The following STAB2 variants were observed in gnomAD, a reference collection of about 807,000 sequenced individuals.
STAB2 encodes stabilin-2.
Under a neutral mutation model 338.1 loss-of-function variants are expected in STAB2, and 288 were observed. The observed-to-expected ratio is 0.85, with a 90% CI of 0.77 to 0.94. The LOEUF is 0.94. STAB2 is among the 40% of genes least tolerant of loss of function. STAB2 has a pLI of 0.00. For missense variants in STAB2, 3,141 were observed against 3,210.1 expected, an observed-to-expected ratio of 0.98 and a Z score of 0.52; for synonymous variants, 1,202 against 1,193.3, an observed-to-expected ratio of 1.01 and a Z score of -0.15.
intron 59 of STAB2, among the ~76,000 whole-genome samples, chr12:103,749,788 C>T (rs1027807616): frequency 3.8e-5 from 5 of 132,496 alleles, no homozygotes; most frequent in Non-Finnish European, 6.1e-5. Context: ...TGCAGTGAGC[C>T]GAGATCGTGC....
At chr12:103,620,835 C>T (rs1217059168) in intron 4 of STAB2, among the ~76,000 whole-genome samples, 1 of 152,188 alleles carries the variant, frequency 6.6e-6, no homozygotes, top group Non-Finnish European at 1.5e-5. Flanking sequence ...CAGTGGCTTA[C>T]GCCTGGAATC....
At chr12:103,730,387 A>G in intron 49 of STAB2, 131 bp downstream of exon 49, 2 of 1,037,396 alleles carry the variant, frequency 1.9e-6, no homozygotes. Context: ...TTAAAAGCCT[A>G]GTAAACATTA....
At chr12:103,670,572 C>T (rs538949965) in intron 21 of STAB2, 124 bp from the exon 22 acceptor site, 14 of 738,138 alleles carry the variant, frequency 1.9e-5, no homozygotes, top group African/African-American at 5.3e-5. Flanking sequence ...CCACTTTCCA[C>T]GAGGAGTCCC....
chr12:103,758,438 C>T (rs1884295391), intron 64 of STAB2, 149 bp downstream of exon 64: 2 of 1,346,042 alleles, frequency 1.5e-6, no homozygotes, highest in African/African-American at 1.4e-5. Flanking sequence ...CTCCCTTGGT[C>T]TTGGCACACT....
In STAB2 at chr12:103,724,870, G is replaced by A. The variant is rs1881057060; in HGVS notation, c.4684-105G>A. On this transcript the variant is annotated intron_variant, in intron 44 of 68. Transcript: ENST00000388887. The stretch of plus-strand genomic sequence containing the variant: ...ACAATACAAATGAATCAAAGAGAGT[G>A]AGACAAAAAATGAATTCAAACGCAG... The A allele has an allele frequency of 3.2e-6, 5 of 1,553,026 alleles. No individual in the cohort carries two copies. In the South Asian group the frequency reaches 4.7e-5, roughly 15 times the overall value.
chr12:103,637,319 T>A, intron 7 of STAB2, 83 bp downstream of exon 7: 1 of 1,517,096 alleles, frequency 6.6e-7, no homozygotes, highest in Non-Finnish European at 8.8e-7. Context: ...ACAACCTCCT[T>A]AACACAATGA....
At chr12:103,751,170 A>T (rs1883613828) in intron 60 of STAB2, among the ~76,000 whole-genome samples, 1 of 152,174 alleles carries the variant, frequency 6.6e-6, no homozygotes, top group African/African-American at 2.4e-5. Context: ...TATGTACTGG[A>T]TCTCTCCAGG....
Position 103,684,990 on chromosome 12 carries a change from C to T in STAB2, c.2903C>T (p.Ala968Val). The T allele has an allele frequency of 6.2e-7, 1 of 1,613,716 alleles. No individual in the cohort carries two copies. The highest frequency in any genetic ancestry group is 8.5e-7 in the Non-Finnish European group (1 of 1,179,760). ...LEQTGKCHPL[A>V]SCQSTSSGVW... is the part of the protein sequence containing the mutation. ...TTTCTTTCATCTTGGTTTTCTCAGGCAAGCTGTCAATCTACTTCGTCTGGT... is the reference window on the plus strand; with the variant it reads ...TTTCTTTCATCTTGGTTTTCTCAGGTAAGCTGTCAATCTACTTCGTCTGGT... The change falls in exon 27 of 69, where the codon GCA becomes GTA. Residue 968 changes from alanine to valine, a missense_variant and splice_region_variant. Transcript: ENST00000388887.
chr12:103,717,733 C>G (rs758846457), intron 43 of STAB2, 37 bp from the exon 44 acceptor site: 1 of 1,609,210 alleles, frequency 6.2e-7, no homozygotes, highest in South Asian at 1.1e-5. Flanking sequence ...CAGAACCCAC[C>G]TGCAAAATGA....
intron 6 of STAB2, 51 bp downstream of exon 6, chr12:103,631,744 T>A: frequency 6.4e-7 from 1 of 1,559,648 alleles, no homozygotes; most frequent in East Asian, 2.2e-5. Context: ...CAGGCACAAA[T>A]GTATGCATTT....
intron 36 of STAB2, 114 bp from the exon 37 acceptor site, chr12:103,705,518 T>C: frequency 1.3e-6 from 1 of 799,336 alleles, no homozygotes; most frequent in Non-Finnish European, 2.0e-6. Flanking sequence ...CCACCTTCTC[T>C]TCCCACAACA....
intron 22 of STAB2, 149 bp downstream of exon 22, chr12:103,670,956 A>G (rs189659041): frequency 1.5e-6 from 1 of 670,198 alleles, no homozygotes; most frequent in Admixed American, 2.5e-5. Context: ...TTGGTTCTCA[A>G]ACTGGAGCGT....
At position 103,755,324 on chromosome 12, in the gene STAB2, C is replaced by T. The variant is rs1884015301; in HGVS notation, c.6737C>T (p.Ala2246Val). 2 of 1,614,086 alleles carry T rather than the reference C, an allele frequency of 1.2e-6. No homozygotes were observed. The highest frequency in any genetic ancestry group is 2.2e-5 in the South Asian group (2 of 91,080). The change falls in exon 62 of 69, where the codon GCA becomes GTA. Residue 2246 changes from alanine to valine, a missense_variant. Physicochemically the swap from Ala to Val is moderately conservative, Grantham distance 64. Coordinates refer to ENST00000388887, the MANE Select transcript of STAB2 (RefSeq NM_017564.10). ...AQKAKYHLCSAGWLETGRVAY... is the reference protein window; with the variant it reads ...AQKAKYHLCSVGWLETGRVAY... Reference sequence around the variant, plus strand: ...CAGGCCAAGTACCACCTGTGCTCAGCAGGCTGGCTGGAGACCGGGCGGGTT... The same window carrying T: ...CAGGCCAAGTACCACCTGTGCTCAGTAGGCTGGCTGGAGACCGGGCGGGTT...
chr12:103,745,059 T>G, intron 56 of STAB2, 114 bp from the exon 57 acceptor site: 5 of 807,562 alleles, frequency 6.2e-6, no homozygotes, highest in Non-Finnish European at 9.5e-6. Flanking sequence ...TGAATGACTG[T>G]GACATAAGCA....
chr12:103,650,654 A>T (rs2138727707), intron 11 of STAB2, 76 bp downstream of exon 11: 4 of 1,233,704 alleles, frequency 3.2e-6, no homozygotes, highest in South Asian at 1.3e-5. Context: ...TTTTATTTAA[A>T]GTGGGAAATC....
intron 9 of STAB2, among the ~76,000 whole-genome samples, chr12:103,643,409 C>T (rs189968635): frequency 4.5e-4 from 68 of 152,284 alleles, no homozygotes; most frequent in African/African-American, 1.6e-3. Context: ...GATGCCATCT[C>T]CGTGCTCCAC....
At chr12:103,734,664 A>T (rs758797752) in intron 51 of STAB2, among the ~76,000 whole-genome samples, 2 of 152,178 alleles carry the variant, frequency 1.3e-5, no homozygotes, top group African/African-American at 2.4e-5. Flanking sequence ...TAGTTCATCC[A>T]CAGCATCTAG....
chr12:103,654,566 A>G lies in STAB2; in HGVS notation c.1419A>G (p.Ile473Met). 10 of 1,613,928 alleles carry G rather than the reference A, an allele frequency of 6.2e-6. No homozygotes were observed. The highest frequency in any genetic ancestry group is 8.5e-6 in the Non-Finnish European group (10 of 1,179,904). The change falls in exon 13 of 69, where the codon ATA (isoleucine) becomes ATG (methionine). Residue 473 changes from isoleucine to methionine, a missense_variant. By Grantham distance (10) the Ile-to-Met change is conservative. Coordinates refer to ENST00000388887, the MANE Select transcript of STAB2 (RefSeq NM_017564.10). The stretch of plus-strand genomic sequence containing the variant: ...CTTTGGTGTTTTAGGACAATCAAAT[A>G]AAGCTTAAACTCCATGGAGGCAAAA... ...EIFNSDKDNQ[I>M]KLKLHGGKKK...
chr12:103,658,618 G>C (rs1159405979), intron 15 of STAB2, among the ~76,000 whole-genome samples: 1 of 152,118 alleles, frequency 6.6e-6, no homozygotes, highest in African/African-American at 2.4e-5. Context: ...GTGAAACTGA[G>C]ACTCATGGGT....
Sources: allele counts gnomAD v4.1 joint callset (sites outside exome capture counted in the v4.1 genomes callset), GRCh38; gene constraint gnomAD v4.1.1; transcripts MANE v1.5; gene names NCBI Gene and HGNC (gene_info 2026-07-23, HGNC 2026-07-21).